FREM1: variants seen among roughly 807,000 people sequenced by gnomAD.
The protein encoded by FREM1 is FRAS1-related extracellular matrix protein 1.
In FREM1, 220 loss-of-function variants were observed where a neutral mutation model predicts 210.1. The observed-to-expected ratio is 1.05, with a 90% CI of 0.94 to 1.17. The LOEUF is 1.17. Among genes scored for constraint, FREM1 ranks in the 50% most tolerant of loss-of-function variants. The pLI, the probability that FREM1 is intolerant of heterozygous loss-of-function variation, is 0.00. For missense variants in FREM1, 3,454 were observed against 2,675.5 expected, an observed-to-expected ratio of 1.29 and a Z score of -6.42; for synonymous variants, 1,189 against 980.2, an observed-to-expected ratio of 1.21 and a Z score of -3.98.
chr9:14,818,464 T>C (rs982790404), intron 14 of FREM1, among the ~76,000 whole-genome samples: 1 of 152,216 alleles, frequency 6.6e-6, no homozygotes, highest in African/African-American at 2.4e-5. Flanking sequence ...GTATAATATC[T>C]CCTATCATAC....
chr9:14,808,887 G>C (rs941251109), intron 16 of FREM1, among the ~76,000 whole-genome samples: 3 of 152,216 alleles, frequency 2.0e-5, no homozygotes, highest in African/African-American at 4.8e-5. Flanking sequence ...CGTGGAGTAA[G>C]AGTGCTTGCT....
chr9:14,789,676 C>A (rs1261947876), intron 22 of FREM1, among the ~76,000 whole-genome samples: 1 of 152,126 alleles, frequency 6.6e-6, no homozygotes, highest in Non-Finnish European at 1.5e-5. Flanking sequence ...ACATTTATAT[C>A]CTAAGTCATC....
At chr9:14,756,185 TA>T (rs1256319609) in intron 29 of FREM1, among the ~76,000 whole-genome samples, 188 bp downstream of exon 29, 6 of 150,930 alleles carry the variant, frequency 4.0e-5, no homozygotes, top group Admixed American at 1.3e-4. Context: ...CATTTGTTAC[TA>T]AAAAAAAATA....
At chr9:14,772,507 C>T (rs1228341672) in intron 25 of FREM1, among the ~76,000 whole-genome samples, 3 of 152,026 alleles carry the variant, frequency 2.0e-5, no homozygotes, top group African/African-American at 7.2e-5. Flanking sequence ...TCTAATTGAA[C>T]AAAATAAAAG....
chr9:14,806,772 T>C lies in FREM1; in HGVS notation c.3163A>G (p.Thr1055Ala), dbSNP rs1161910451. The change falls in exon 18 of 37, where the codon ACT becomes GCT. Residue 1055 changes from threonine to alanine, a missense_variant. Thr to Ala is a moderately conservative substitution (Grantham distance 58). Coordinates refer to ENST00000380880, the MANE Select transcript of FREM1 (RefSeq NM_001379081.2). ...VNHLSATDPD[T>A]AADDLEFVLV... ...ACAAATTCCAAGTCATCTGCTGCAG[T>C]GTCAGGGTCAGTGGCGGACAAATGG... is the stretch of plus-strand genomic sequence containing the variant. The C allele has an allele frequency of 3.7e-6, 6 of 1,606,946 alleles. No homozygotes were observed. The highest frequency in any genetic ancestry group is 4.5e-5 in the East Asian group (2 of 44,820).
chr9:14,749,886 G>A (rs1232969895), intron 30 of FREM1, among the ~76,000 whole-genome samples: 1 of 152,026 alleles, frequency 6.6e-6, no homozygotes, highest in African/African-American at 2.4e-5. Flanking sequence ...ACAACAAACG[G>A]GTAGGAAAAA....
chr9:14,860,666 T>TGTATAC (rs1829775851), intron 3 of FREM1, among the ~76,000 whole-genome samples: 1 of 133,852 alleles, frequency 7.5e-6, no homozygotes, highest in African/African-American at 3.1e-5. Flanking sequence ...CATATATACA[T>TGTATAC]ATATACACAC....
chr9:14,790,889 T>A (rs1851185912), intron 22 of FREM1: 1 of 152,218 alleles, frequency 6.6e-6, no homozygotes, highest in Admixed American at 6.5e-5. Flanking sequence ...ACTGCATTTC[T>A]GCTTCATTAC....
intron 10 of FREM1, among the ~76,000 whole-genome samples, chr9:14,838,508 C>CAA (rs904489002): frequency 5.4e-5 from 8 of 149,398 alleles, no homozygotes; most frequent in African/African-American, 2.0e-4. Flanking sequence ...CACACACACA[C>CAA]ATACACACAA....
At chr9:14,801,179 G>A (rs1817213985) in intron 20 of FREM1, among the ~76,000 whole-genome samples, 1 of 152,090 alleles carries the variant, frequency 6.6e-6, no homozygotes, top group Non-Finnish European at 1.5e-5. Context: ...TGTATTTTTA[G>A]TAGAGACAGG....
At chr9:14,738,265 T>C (rs1339313420) in intron 36 of FREM1, among the ~76,000 whole-genome samples, 1 of 152,172 alleles carries the variant, frequency 6.6e-6, no homozygotes, top group South Asian at 2.1e-4. Context: ...ATAATAGAAA[T>C]AAAAAAGAAT....
intron 1 of FREM1, among the ~76,000 whole-genome samples, chr9:14,875,675 C>G (rs1046695435): frequency 6.6e-6 from 1 of 151,964 alleles, no homozygotes; most frequent in African/African-American, 2.4e-5. Context: ...TCTCTCAACT[C>G]GTCAAAGTCA....
At chr9:14,882,462 ATCTT>A (rs1229165173) in intron 1 of FREM1, among the ~76,000 whole-genome samples, 1 of 144,122 alleles carries the variant, frequency 6.9e-6, no homozygotes, top group East Asian at 2.0e-4. Context: ...TTTTCTTCTT[ATCTT>A]TTTTTTTTTT....
At chr9:14,885,316 C>A (rs977902475) in intron 1 of FREM1, among the ~76,000 whole-genome samples, 2 of 152,106 alleles carry the variant, frequency 1.3e-5, no homozygotes, top group African/African-American at 4.8e-5. Context: ...TTGTCTTCCC[C>A]AGGCTTGCAG....
At chr9:14,846,461 G>A (rs1349690891) in intron 7 of FREM1, among the ~76,000 whole-genome samples, 1 of 151,962 alleles carries the variant, frequency 6.6e-6, no homozygotes, top group East Asian at 1.9e-4. Context: ...AAACCACCAT[G>A]GCACATGTAT....
At position 14,789,113 on chromosome 9, in the gene FREM1, A is replaced by G. The variant is rs1458245258; in HGVS notation, c.3983T>C (p.Ile1328Thr). ...LPQNGQLQLK[I>T]GRDWVPLSPG... The stretch of plus-strand genomic sequence containing the variant: ...GGAGAGAGGAACCCAGTCCCTCCCT[A>G]TCTGGAAGGAGCCAGAGTTAGTCAG... The change falls in exon 23 of 37, where the codon ATA (isoleucine) becomes ACA (threonine). Residue 1328 changes from isoleucine (I) to threonine (T), a missense_variant and splice_region_variant. Coordinates refer to ENST00000380880, the MANE Select transcript of FREM1 (RefSeq NM_001379081.2). The G allele has an allele frequency of 6.3e-7, 1 of 1,577,100 alleles. No individual in the cohort carries two copies. The highest frequency in any genetic ancestry group is 8.6e-7 in the Non-Finnish European group (1 of 1,159,724).
chr9:14,754,831 G>A (rs1587724063), intron 29 of FREM1, among the ~76,000 whole-genome samples: 1 of 152,178 alleles, frequency 6.6e-6, no homozygotes, highest in Non-Finnish European at 1.5e-5. Context: ...CTACTTGGGA[G>A]GCCAAGGCAG....
intron 7 of FREM1, among the ~76,000 whole-genome samples, 159 bp downstream of exon 7, chr9:14,848,506 A>C (rs1374078946): frequency 6.6e-6 from 1 of 152,238 alleles, no homozygotes; most frequent in Non-Finnish European, 1.5e-5. Flanking sequence ...AGGAATAAAA[A>C]AACAACAACA....
intron 1 of FREM1, among the ~76,000 whole-genome samples, chr9:14,882,072 A>G (rs528100257): frequency 6.6e-6 from 1 of 152,208 alleles, no homozygotes; most frequent in South Asian, 2.1e-4. Context: ...CACAGGAGAG[A>G]ATGTAAACTT....
Sources: gnomAD v4.1 joint callset for allele counts (sites outside exome capture counted in the v4.1 genomes callset) on GRCh38, gnomAD v4.1.1 for gene constraint, MANE v1.5 for transcripts, NCBI Gene and HGNC (gene_info 2026-07-23, HGNC 2026-07-21) for gene names.